The following DCUN1D4 variants were observed in gnomAD, a reference collection of about 807,000 sequenced individuals.
The protein encoded by DCUN1D4 is defective in cullin neddylation 1 domain containing 4, also known as DCN1-like protein 4.
DCUN1D4 carries 22 observed loss-of-function variants against 47.9 expected under a neutral mutation model. That is an observed-to-expected ratio of 0.46 (90% confidence interval 0.33 to 0.66). DCUN1D4 has a LOEUF of 0.66. Among genes scored for constraint, DCUN1D4 ranks in the 30% least tolerant of loss-of-function variants. DCUN1D4 has a pLI of 0.02. For missense variants in DCUN1D4, 301 were observed against 340.8 expected, an observed-to-expected ratio of 0.88 and a Z score of 0.92; for synonymous variants, 121 against 112.2, an observed-to-expected ratio of 1.08 and a Z score of -0.50.
intron 1 of DCUN1D4, among the ~76,000 whole-genome samples, chr4:51,846,343 G>C (rs1256626730): frequency 6.6e-6 from 1 of 152,148 alleles, no homozygotes; most frequent in Non-Finnish European, 1.5e-5. Flanking sequence ...AGGTAATCTT[G>C]TCTGTAACAT....
chr4:51,836,159 A>G, the DCUN1D4 span, among the ~76,000 whole-genome samples: 2 of 152,220 alleles, frequency 1.3e-5, no homozygotes, highest in African/African-American at 4.8e-5. Flanking sequence ...TTTTAAAAAT[A>G]AAATACTTGT....
chr4:51,842,773 T>G (rs1306946044), upstream of DCUN1D4, among the ~76,000 whole-genome samples: 1 of 152,182 alleles, frequency 6.6e-6, no homozygotes, highest in Non-Finnish European at 1.5e-5. Context: ...GTGCTTTGTT[T>G]CAGACGCCGA....
intron 7 of DCUN1D4, 74 bp downstream of exon 7, chr4:51,891,925 G>A: frequency 1.7e-6 from 2 of 1,154,154 alleles, no homozygotes; most frequent in Non-Finnish European, 2.5e-6. Flanking sequence ...TAGGACTTCA[G>A]GAGGTGATTG....
At chr4:51,902,620 A>G (rs527536925) in intron 8 of DCUN1D4, among the ~76,000 whole-genome samples, 1 of 152,034 alleles carries the variant, frequency 6.6e-6, no homozygotes, top group East Asian at 1.9e-4. Flanking sequence ...TTTACTTTTA[A>G]CCTGTTTGTT....
intron 5 of DCUN1D4, chr4:51,884,210 T>A (rs933795122): frequency 6.6e-6 from 1 of 152,140 alleles, no homozygotes; most frequent in African/African-American, 2.4e-5. Flanking sequence ...GTTTGAACTT[T>A]AGGGGGAGCC....
intron 3 of DCUN1D4, among the ~76,000 whole-genome samples, chr4:51,867,189 C>T (rs1024285115): frequency 6.6e-6 from 1 of 152,224 alleles, no homozygotes; most frequent in Non-Finnish European, 1.5e-5. Flanking sequence ...ACTGTGGGCA[C>T]CTGCACCTGG....
At chr4:51,884,131 G>A (rs987368723) in intron 5 of DCUN1D4, among the ~76,000 whole-genome samples, 1 of 152,052 alleles carries the variant, frequency 6.6e-6, no homozygotes, top group Non-Finnish European at 1.5e-5. Flanking sequence ...GAACATTTGT[G>A]ATTAAAAGGA....
At chr4:51,911,032 G>A in intron 8 of DCUN1D4, 38 bp from the exon 9 acceptor site, 3 of 1,573,274 alleles carry the variant, frequency 1.9e-6, no homozygotes, top group Non-Finnish European at 2.6e-6. Context: ...TATTATTTGG[G>A]GGCATCTGGC....
At chr4:51,878,911 C>G (rs2110002969) in intron 5 of DCUN1D4, among the ~76,000 whole-genome samples, 1 of 152,210 alleles carries the variant, frequency 6.6e-6, no homozygotes, top group East Asian at 1.9e-4. Context: ...CCATGCAACC[C>G]TTTTTGTGAT....
At position 51,913,528 on chromosome 4, in the gene DCUN1D4, G is replaced by A; in HGVS notation, c.824-1G>A. 6.2e-7 allele frequency: 1 copy of A among 1,612,154 alleles called. No individual in the cohort carries two copies. The highest frequency in any genetic ancestry group is 8.5e-7 in the Non-Finnish European group (1 of 1,178,880). The stretch of plus-strand genomic sequence containing the variant: ...ACTACTGTTTCTCTCTTTCTCTCCA[G>A]GGCCAGTTTTGTTGGACGAGTTTGT... On this transcript the variant is annotated splice_acceptor_variant, in intron 10 of 10. Coordinates refer to ENST00000334635, the MANE Select transcript of DCUN1D4 (RefSeq NM_001040402.3). LOFTEE classifies it high-confidence loss of function.
chr4:51,834,291 T>G, the DCUN1D4 span, among the ~76,000 whole-genome samples: 1 of 151,426 alleles, frequency 6.6e-6, no homozygotes, highest in African/African-American at 2.4e-5. Flanking sequence ...AATACAAACA[T>G]GTCTAGGGTG....
At position 51,886,382 on chromosome 4, in the gene DCUN1D4, T is replaced by C. The variant is rs568597203; in HGVS notation, c.344-186T>C. Among the ~76,000 whole-genome samples the C allele has an allele frequency of 9.2e-5, 14 of 152,346 alleles. No homozygotes were observed. The South Asian group carries it at 1.2e-3, about 14-fold the overall frequency. ...CATGGTGATAAGTTGATTTAAATGA[T>C]TGTACAAAGTAGAGTCCTTTAAAGA... On this transcript the variant is annotated intron_variant, in intron 5 of 10. Coordinates refer to ENST00000334635, the MANE Select transcript of DCUN1D4 (RefSeq NM_001040402.3).
At chr4:51,872,572 A>C (rs577139363) in intron 3 of DCUN1D4, among the ~76,000 whole-genome samples, 1 of 152,178 alleles carries the variant, frequency 6.6e-6, no homozygotes, top group Admixed American at 6.5e-5. Context: ...TTTGGCTTCC[A>C]GGACATGACA....
intron 8 of DCUN1D4, chr4:51,905,335 C>T: frequency 2.8e-6 from 1 of 352,860 alleles, no homozygotes; most frequent in South Asian, 2.1e-5. Context: ...GTGTCCTTCA[C>T]AGAGCCACAT....
intron 5 of DCUN1D4, among the ~76,000 whole-genome samples, chr4:51,881,837 C>A (rs930446306): frequency 4.6e-5 from 7 of 151,972 alleles, no homozygotes; most frequent in African/African-American, 1.7e-4. Context: ...CATGCAATTA[C>A]AACTAGATTT....
rs974814537 is a variant in DCUN1D4, at chr4:51,845,566, A to G, written c.25+2299A>G. On this transcript the variant is annotated intron_variant, in intron 1 of 10. Transcript: ENST00000334635. Reference sequence around the variant, plus strand: ...TCCATAAGTAGACTCCCTAAACGTCACATCCTTCACCAGTTCCCTTTACTG... The same window carrying G: ...TCCATAAGTAGACTCCCTAAACGTCGCATCCTTCACCAGTTCCCTTTACTG... 6.6e-5 allele frequency among the ~76,000 whole-genome samples: 10 copies of G among 152,210 alleles called. No homozygotes were observed. In the South Asian group the frequency reaches 1.4e-3, roughly 22 times the overall value.
chr4:51,859,671 A>G (rs969930042), intron 1 of DCUN1D4, among the ~76,000 whole-genome samples: 1 of 147,312 alleles, frequency 6.8e-6, no homozygotes. Context: ...AAAAACCCAG[A>G]CAAGTTTATG....
intron 1 of DCUN1D4, among the ~76,000 whole-genome samples, chr4:51,856,390 A>G (rs1724142005): frequency 6.6e-6 from 1 of 152,218 alleles, no homozygotes; most frequent in African/African-American, 2.4e-5. Flanking sequence ...CTGGTGTTAA[A>G]TCTTTTCTGT....
chr4:51,854,939 T>TG (rs1351827710), intron 1 of DCUN1D4, among the ~76,000 whole-genome samples: 5 of 152,170 alleles, frequency 3.3e-5, no homozygotes, highest in African/African-American at 1.2e-4. Flanking sequence ...AATGTTCAGC[T>TG]GGTGAGTATA....
Sources: gnomAD v4.1 joint callset for allele counts (sites outside exome capture counted in the v4.1 genomes callset) on GRCh38, gnomAD v4.1.1 for gene constraint, MANE v1.5 for transcripts, NCBI Gene and HGNC (gene_info 2026-07-23, HGNC 2026-07-21) for gene names.